The following PCDH7 variants were observed in gnomAD, a reference collection of about 807,000 sequenced individuals.
PCDH7 encodes the protein protocadherin 7, also known as protocadherin-7.
In PCDH7, 17 loss-of-function variants were observed where a neutral mutation model predicts 58.9. The observed-to-expected ratio is 0.29, with a 90% CI of 0.20 to 0.43. PCDH7 has a LOEUF of 0.43. PCDH7 is among the 20% of genes least tolerant of loss of function. PCDH7 has a pLI of 1.00. For missense variants in PCDH7, 1,274 were observed against 1,441.0 expected (o/e 0.88, Z 1.88); for synonymous variants, 664 against 616.4 (o/e 1.08, Z -1.14).
chr4:30,843,851 T>C (rs1447415763), intron 1 of PCDH7, among the ~76,000 whole-genome samples: 13 of 152,044 alleles, frequency 8.6e-5, no homozygotes. Context: ...GCCTAGGCAT[T>C]TAAAATTCTT....
chr4:30,847,760 G>A (rs922602040), intron 1 of PCDH7, among the ~76,000 whole-genome samples: 2 of 151,968 alleles, frequency 1.3e-5, no homozygotes, highest in African/African-American at 4.8e-5. Flanking sequence ...TTTCATTTTA[G>A]AGAATTATAT....
chr4:31,037,358 T>C (rs1560593949), intron 3 of PCDH7, among the ~76,000 whole-genome samples: 1 of 152,336 alleles, frequency 6.6e-6, no homozygotes, highest in African/African-American at 2.4e-5. Context: ...CATATACTAG[T>C]TAAGCAGCGA....
chr4:31,035,095 G>T (rs893125633), intron 3 of PCDH7, among the ~76,000 whole-genome samples: 2 of 152,162 alleles, frequency 1.3e-5, no homozygotes, highest in Non-Finnish European at 2.9e-5. Flanking sequence ...TTCATTGAAT[G>T]ATCGATGAGG....
At chr4:30,764,707 G>GTGTTTGTTTGTT (rs35644257) in intron 1 of PCDH7, among the ~76,000 whole-genome samples, 1 of 150,518 alleles carries the variant, frequency 6.6e-6, no homozygotes, top group African/African-American at 2.5e-5. Context: ...TATATGTTTG[G>GTGTTTGTTTGTT]TGTTTGTTTG....
intron 3 of PCDH7, among the ~76,000 whole-genome samples, chr4:31,015,843 T>A (rs6832276): frequency 1.1e-3 from 162 of 152,060 alleles, no homozygotes; most frequent in African/African-American, 3.7e-3. Context: ...TAGATCACTT[T>A]TGTAAGTACA....
chr4:31,045,315 C>T (rs945479615), intron 3 of PCDH7, among the ~76,000 whole-genome samples: 1 of 151,834 alleles, frequency 6.6e-6, no homozygotes, highest in Non-Finnish European at 1.5e-5. Context: ...ATTTCGATTG[C>T]AAACCTTCTT....
intron 1 of PCDH7, among the ~76,000 whole-genome samples, chr4:30,749,506 T>G (rs893977260): frequency 2.0e-5 from 3 of 152,018 alleles, no homozygotes; most frequent in African/African-American, 7.2e-5. Flanking sequence ...ATGCCTGGAG[T>G]TATTCTATTT....
rs575148176 is a variant in PCDH7 at position 30,805,728 on chromosome 4, G to A, written c.70+81132G>A. On this transcript the variant is annotated intron_variant, in intron 1 of 3. Coordinates refer to the PCDH7 transcript ENST00000509759. ...CTCTTTATGCTGTTCCAACCTATCAGTCATTACGTTATTTTTACTTCAAAA... is the reference window on the plus strand; with the variant it reads ...CTCTTTATGCTGTTCCAACCTATCAATCATTACGTTATTTTTACTTCAAAA... Among the ~76,000 whole-genome samples the A allele has an allele frequency of 1.4e-3, 210 of 152,182 alleles. 1 individual carries two copies. The highest frequency in any genetic ancestry group is 4.8e-3 in the African/African-American group (200 of 41,488).
chr4:30,840,326 C>A (rs1220323321), intron 1 of PCDH7, among the ~76,000 whole-genome samples: 1 of 152,040 alleles, frequency 6.6e-6, no homozygotes, highest in Admixed American at 6.6e-5. Context: ...CTCATTTGGA[C>A]TTGGCAGGAA....
At chr4:30,957,864 G>A (rs1380198022) in intron 3 of PCDH7, among the ~76,000 whole-genome samples, 1 of 152,082 alleles carries the variant, frequency 6.6e-6, no homozygotes, top group African/African-American at 2.4e-5. Context: ...TTGCTTTACT[G>A]CTAACTCTGC....
chr4:30,883,440 C>G (rs1030347388), intron 1 of PCDH7, among the ~76,000 whole-genome samples: 1 of 152,116 alleles, frequency 6.6e-6, no homozygotes, highest in Non-Finnish European at 1.5e-5. Flanking sequence ...TTCAGTGAAT[C>G]AGTATGTATT....
intron 3 of PCDH7, among the ~76,000 whole-genome samples, chr4:31,088,649 T>C (rs530459508): frequency 2.0e-5 from 3 of 152,118 alleles, no homozygotes; most frequent in East Asian, 3.9e-4. Flanking sequence ...GAAGAGAACA[T>C]CTTATATTGT....
chr4:30,916,819 G>A (rs796990619), intron 1 of PCDH7, among the ~76,000 whole-genome samples: 3 of 152,182 alleles, frequency 2.0e-5, no homozygotes, highest in African/African-American at 7.2e-5. Flanking sequence ...TCCTTTCTGT[G>A]CCTCTTCATC....
intron 3 of PCDH7, among the ~76,000 whole-genome samples, chr4:31,064,587 T>C (rs930325277): frequency 6.6e-6 from 1 of 152,014 alleles, no homozygotes; most frequent in Admixed American, 6.6e-5. Context: ...TCCCAGCTTC[T>C]GTGGGTGGCA....
intron 3 of PCDH7, among the ~76,000 whole-genome samples, chr4:30,999,470 T>C (rs13136231): frequency 6.6e-6 from 1 of 151,924 alleles, no homozygotes; most frequent in Non-Finnish European, 1.5e-5. Context: ...TTCACAAATA[T>C]GCAGGGGAAA....
At chr4:31,083,537 TA>T (rs531668495) in intron 3 of PCDH7, among the ~76,000 whole-genome samples, 59 of 152,080 alleles carry the variant, frequency 3.9e-4, no homozygotes, top group African/African-American at 1.3e-3. Flanking sequence ...TCTTAAAAAG[TA>T]AAAAAAACTA....
At chr4:31,065,262 C>T (rs368245471) in intron 3 of PCDH7, among the ~76,000 whole-genome samples, 1 of 152,048 alleles carries the variant, frequency 6.6e-6, no homozygotes, top group African/African-American at 2.4e-5. Context: ...GTACTTAGCT[C>T]TGAGTCGTCG....
At chr4:30,731,275 A>T in exon 2 of PCDH7, 1 of 358,184 alleles carries the variant, frequency 2.8e-6, no homozygotes, top group East Asian at 1.7e-4. Flanking sequence ...GTGAAGGATA[A>T]TATCTTTTGC....
chr4:30,835,307 C>T (rs150232958), intron 1 of PCDH7, among the ~76,000 whole-genome samples: 1,570 of 152,258 alleles, frequency 0.01, 26 homozygotes, highest in African/African-American at 0.036. Flanking sequence ...GCGAGCATTA[C>T]TGCCTGAGCT....
Sources: gnomAD v4.1 joint callset for allele counts (sites outside exome capture counted in the v4.1 genomes callset) on GRCh38, gnomAD v4.1.1 for gene constraint, MANE v1.5 for transcripts, NCBI Gene and HGNC (gene_info 2026-07-23, HGNC 2026-07-21) for gene names.